Variants in F5 observed in about 807,000 individuals in gnomAD.
F5 encodes the protein coagulation factor V.
A neutral mutation model predicts 216.4 loss-of-function variants in F5; 138 were observed. That is an observed-to-expected ratio of 0.64 (90% CI 0.56 to 0.73). F5 has a LOEUF of 0.73. Among genes scored for constraint, F5 ranks in the 30% least tolerant of loss-of-function variants. F5 has a pLI of 0.00. For synonymous variants in F5, 916 were observed against 930.7 expected (o/e 0.98, Z 0.29); for missense variants, 2,403 against 2,674.0 (o/e 0.90, Z 2.24).
chr1:169,542,055 C>A lies in F5; in HGVS notation c.3035G>T (p.Arg1012Ile). ...CAGTCTACTCTTTCCTCCATCCTGT[C>A]TTACTTGTAGAGATTTATGTCTAAC... ...PRVRHKSLQV[R>I]QDGGKSRLKK... The change falls in exon 13 of 25, where the codon AGA becomes ATA. Residue 1012 changes from arginine to isoleucine, a missense_variant. Physicochemically the swap from Arg to Ile is moderately conservative, Grantham distance 97. Around this residue, in one of 4 missense-constraint regions of F5, gnomAD observed 1,425 missense variants for 1,554.8 expected, o/e 0.92. Transcript: ENST00000367797. 2 of 1,614,064 alleles carry A rather than the reference C, an allele frequency of 1.2e-6. No individual in the cohort carries two copies. The highest frequency in any genetic ancestry group is 1.7e-6 in the Non-Finnish European group (2 of 1,179,996).
rs370754868 is a variant in F5 at position 169,518,407 on chromosome 1, T to G, written c.6345+5A>C. The G allele has an allele frequency of 1.2e-6, 2 of 1,613,520 alleles. No homozygotes were observed. The highest frequency in any genetic ancestry group is 1.7e-6 in the Non-Finnish European group (2 of 1,179,658). On this transcript the variant is annotated splice_donor_5th_base_variant and intron_variant, in intron 23 of 24. Transcript: ENST00000367797. Reference sequence around the variant, plus strand: ...AGAGAACACCATGCATAGAGTATACTTGACCTTGGCTTGCCAGGCATTCAC... The same window carrying G: ...AGAGAACACCATGCATAGAGTATACGTGACCTTGGCTTGCCAGGCATTCAC...
intron 14 of F5, among the ~76,000 whole-genome samples, chr1:169,531,447 C>T (rs1659594578): frequency 6.6e-6 from 1 of 152,112 alleles, no homozygotes; most frequent in African/African-American, 2.4e-5. Flanking sequence ...ATGACAATGC[C>T]CTGGAGGAAC....
rs1315255273 is a variant in F5 at position 169,513,514 on chromosome 1, C to CA, written c.*798_*799insT. Among the ~76,000 whole-genome samples, 7 of 152,230 alleles carry CA rather than the reference C, an allele frequency of 4.6e-5. No individual in the cohort carries two copies. The East Asian group carries it at 9.7e-4, about 21-fold the overall frequency. On this transcript the variant is annotated 3_prime_UTR_variant, in exon 25 of 25. Coordinates refer to ENST00000367797, the MANE Select transcript of F5 (RefSeq NM_000130.5). ...TGCTTGCCAGTTTGGCCAGAGGTCT[C>CA]TTTGAGCAGGAACAACTGCATTTAG... is the stretch of plus-strand genomic sequence containing the variant.
chr1:169,548,809 C>T (rs1169163489), intron 10 of F5, among the ~76,000 whole-genome samples: 1 of 148,766 alleles, frequency 6.7e-6, no homozygotes, highest in East Asian at 2.0e-4. Context: ...GCAGAGGTTG[C>T]AGTGATCTAA....
Position 169,545,067 on chromosome 1 carries a change from T to C in F5, c.1763-559A>G, listed in dbSNP as rs1001003011. Among the ~76,000 whole-genome samples, 10 of 152,324 alleles carry C rather than the reference T, an allele frequency of 6.6e-5. No homozygotes were observed. In the East Asian group the frequency reaches 1.7e-3, roughly 26 times the overall value. On this transcript the variant is annotated intron_variant, in intron 11 of 24. Coordinates refer to ENST00000367797, the MANE Select transcript of F5 (RefSeq NM_000130.5). ...TTATTTACTTATGTACTAAGCATAGTAAAAAACCAAAGGTATGATTTCTAC... is the reference window on the plus strand; with the variant it reads ...TTATTTACTTATGTACTAAGCATAGCAAAAAACCAAAGGTATGATTTCTAC...
rs199861733 is a variant in F5 at position 169,542,864 on chromosome 1, T to C, written c.2226A>G (p.Ser742=). 68 of 1,614,066 alleles carry C rather than the reference T, an allele frequency of 4.2e-5. No individual in the cohort carries two copies. The highest frequency in any genetic ancestry group is 2.9e-5 in the Non-Finnish European group (34 of 1,180,014). Residue 742 remains serine, a synonymous_variant, in exon 13 of 25, where the codon TCA becomes TCG. Transcript: ENST00000367797. ...AALGIRSFRN[S]SLNQEEEEFN... Reference sequence around the variant, plus strand: ...ACTCTTCTTCTTCCTGATTCAATGATGAGTTTCGGAATGACCTGATTCCTA... The same window carrying C: ...ACTCTTCTTCTTCCTGATTCAATGACGAGTTTCGGAATGACCTGATTCCTA...
In F5 at chr1:169,540,656, A is replaced by G; in HGVS notation, c.4434T>C (p.Phe1478=). Residue 1478 remains phenylalanine (F), a synonymous_variant, in exon 13 of 25, where the codon TTT becomes TTC. Transcript: ENST00000367797. ...ESSQSLLLQE[F]NESFPYPDLG... is the part of the protein sequence containing the mutation. ...GGTCTGGATAAGGAAAAGACTCATT[A>G]AATTCTTGAAGAAGCAATGACTGAC... The G allele has an allele frequency of 1.9e-6, 3 of 1,614,038 alleles. No homozygotes were observed. Among genetic ancestry groups the G allele is most frequent in the Non-Finnish European group, 2.5e-6 (3 of 1,179,956 alleles).
intron 7 of F5, among the ~76,000 whole-genome samples, chr1:169,553,852 A>G (rs1660244867): frequency 1.3e-5 from 2 of 152,252 alleles, no homozygotes; most frequent in Non-Finnish European, 2.9e-5. Flanking sequence ...TCTTGGTGGA[A>G]TGTAAATTAA....
chr1:169,552,792 T>C, intron 7 of F5, 58 bp from the exon 8 acceptor site: 1 of 1,282,528 alleles, frequency 7.8e-7, no homozygotes, highest in Non-Finnish European at 1.1e-6. Context: ...CTCGGTAGGA[T>C]GGGGAAACCC....
chr1:169,519,421 C>A (rs184594882), intron 22 of F5, among the ~76,000 whole-genome samples: 2 of 152,140 alleles, frequency 1.3e-5, no homozygotes, highest in African/African-American at 2.4e-5. Context: ...TCTATTTATA[C>A]CATATGGAAA....
intron 13 of F5, among the ~76,000 whole-genome samples, chr1:169,537,297 GATTA>G (rs1389826107): frequency 1.3e-5 from 2 of 152,198 alleles, no homozygotes; most frequent in Non-Finnish European, 2.9e-5. Context: ...ACAATGGTCA[GATTA>G]ATTAGAAGGT....
intron 2 of F5, among the ~76,000 whole-genome samples, chr1:169,572,891 G>A (rs1660757993): frequency 6.6e-6 from 1 of 151,834 alleles, no homozygotes; most frequent in African/African-American, 2.4e-5. Flanking sequence ...GAGGCCCTAT[G>A]GGCTACGGTA....
At position 169,530,874 on chromosome 1, in the gene F5, G is replaced by C; in HGVS notation, c.5120C>G (p.Thr1707Ser). ...TCGCTCAGTGGCATGCCATACGTAGGTATAACTGCTATTTGGCTGAACAGC... is the reference window on the plus strand; with the variant it reads ...TCGCTCAGTGGCATGCCATACGTAGCTATAACTGCTATTTGGCTGAACAGC... Reference protein sequence around the residue: ...DNAVQPNSSYTYVWHATERSG... With the variant: ...DNAVQPNSSYSYVWHATERSG... The change falls in exon 15 of 25, where the codon ACC (threonine) becomes AGC (serine). Residue 1707 changes from threonine to serine, a missense_variant. Around this residue, in one of 4 missense-constraint regions of F5, gnomAD observed 659 missense variants for 787.9 expected, o/e 0.84. Coordinates refer to ENST00000367797, the MANE Select transcript of F5 (RefSeq NM_000130.5). The C allele has an allele frequency of 1.2e-6, 2 of 1,613,924 alleles. No individual in the cohort carries two copies. The highest frequency in any genetic ancestry group is 1.7e-6 in the Non-Finnish European group (2 of 1,179,870).
chr1:169,564,576 C>T lies in F5; in HGVS notation c.374-3810G>A, dbSNP rs571743711. 9.2e-5 allele frequency among the ~76,000 whole-genome samples: 14 copies of T among 152,136 alleles called. No individual in the cohort carries two copies. In the South Asian group the frequency reaches 2.9e-3, roughly 32 times the overall value. ...CTTCTGTTTTATATGTTTTGTCTGCCTGTCTAGTTGTTGAGAAAAAGGGTA... is the reference window on the plus strand; with the variant it reads ...CTTCTGTTTTATATGTTTTGTCTGCTTGTCTAGTTGTTGAGAAAAAGGGTA... On this transcript the variant is annotated intron_variant, in intron 3 of 24. Coordinates refer to ENST00000367797, the MANE Select transcript of F5 (RefSeq NM_000130.5).
At position 169,541,942 on chromosome 1, in the gene F5, G is replaced by C. The variant is rs1339798181; in HGVS notation, c.3148C>G (p.Pro1050Ala). 1 of 1,613,920 alleles carries C rather than the reference G, an allele frequency of 6.2e-7. No homozygotes were observed. The highest frequency in any genetic ancestry group is 8.5e-7 in the Non-Finnish European group (1 of 1,179,990). Reference protein sequence around the residue: ...HAPLSPRTFHPLRSEAYNTFS... With the variant: ...HAPLSPRTFHALRSEAYNTFS... ...GTGTTGTAGGCTTCACTTCTTAGAG[G>C]GTGAAAGGTCCTCGGAGATAAAGGA... Residue 1050 changes from proline to alanine, a missense_variant, in exon 13 of 25, where the codon CCT (proline) becomes GCT (alanine). Physicochemically the swap from Pro to Ala is conservative, Grantham distance 27. This residue lies in a region of F5 where 1,425 missense variants were observed against 1,554.8 expected (regional missense o/e 0.92). Coordinates refer to ENST00000367797, the MANE Select transcript of F5 (RefSeq NM_000130.5).
Position 169,515,465 on chromosome 1 carries a change from C to T in F5, c.6507G>A (p.Leu2169=). 1.9e-6 allele frequency: 3 copies of T among 1,613,390 alleles called. No homozygotes were observed. In the East Asian group the frequency reaches 6.7e-5, roughly 36 times the overall value. The change falls in exon 24 of 25, where the codon CTG becomes CTA. Residue 2169 remains leucine (L), a synonymous_variant. Transcript: ENST00000367797. ...EQGVEWKPYR[L]KSSMVDKIFE... ...CTACCTTGTCCACCATGGAGGATTT[C>T]AGCCTGTATGGTTTCCATTCCACTC...
chr1:169,548,567 G>T (rs1660070753), intron 10 of F5, among the ~76,000 whole-genome samples: 1 of 152,054 alleles, frequency 6.6e-6, no homozygotes, highest in Non-Finnish European at 1.5e-5. Context: ...AAAATTCAGA[G>T]ATTAAAATAT....
intron 21 of F5, among the ~76,000 whole-genome samples, chr1:169,522,581 A>G (rs1659334897): frequency 6.6e-6 from 1 of 152,174 alleles, no homozygotes; most frequent in Non-Finnish European, 1.5e-5. Context: ...TATAAGCAGA[A>G]ACAGACTCAA....
rs1481597733 is a variant in F5 at position 169,560,653 on chromosome 1, C to G, written c.487G>C (p.Asp163His). ...ATGTGTGTGAGGCATGGAGGGTCATCATGGGTGGGTCCACTGTCCTCACTG... is the reference window on the plus strand; with the variant it reads ...ATGTGTGTGAGGCATGGAGGGTCATGATGGGTGGGTCCACTGTCCTCACTG... ...SISEDSGPTH[D>H]DPPCLTHIYY... Residue 163 changes from aspartate (D) to histidine (H), a missense_variant, in exon 4 of 25, where the codon GAT becomes CAT. By Grantham distance (81) the Asp-to-His change is moderately conservative. Around this residue, in one of 4 missense-constraint regions of F5, gnomAD observed 1,425 missense variants for 1,554.8 expected, o/e 0.92. Transcript: ENST00000367797. 4.3e-6 allele frequency: 7 copies of G among 1,613,786 alleles called. No homozygotes were observed. Among genetic ancestry groups the G allele is most frequent in the Non-Finnish European group, 4.2e-6 (5 of 1,179,820 alleles).
Sources: gnomAD v4.1 joint callset for allele counts (sites outside exome capture counted in the v4.1 genomes callset) on GRCh38, gnomAD v4.1.1 for gene constraint, gnomAD v4.1.1 regional missense constraint, MANE v1.5 for transcripts, NCBI Gene and HGNC (gene_info 2026-07-23, HGNC 2026-07-21) for gene names.